The following CENPP variants were observed in gnomAD, a reference collection of about 807,000 sequenced individuals.
CENPP encodes centromere protein P.
In CENPP, 24 loss-of-function variants were observed where a neutral mutation model predicts 35.6. The observed-to-expected ratio is 0.67, with a 90% CI of 0.49 to 0.95. The LOEUF is 0.95. Among genes scored for constraint, CENPP ranks in the 40% least tolerant of loss-of-function variants. The pLI, the probability that CENPP is intolerant of heterozygous loss-of-function variation, is 0.00. For missense variants in CENPP, 332 were observed against 345.3 expected, an observed-to-expected ratio of 0.96 and a Z score of 0.31; for synonymous variants, 120 against 125.5, an observed-to-expected ratio of 0.96 and a Z score of 0.29.
chr9:92,579,122 A>T (rs1331364045), intron 5 of CENPP, among the ~76,000 whole-genome samples: 1 of 150,096 alleles, frequency 6.7e-6, no homozygotes, highest in Admixed American at 6.6e-5. Context: ...GATATGCAGC[A>T]TTATTTCTGA....
At chr9:92,558,329 G>A (rs188121984) in intron 5 of CENPP, among the ~76,000 whole-genome samples, 1 of 152,166 alleles carries the variant, frequency 6.6e-6, no homozygotes, top group Non-Finnish European at 1.5e-5. Context: ...GTCCCATGGG[G>A]TGTTCCCTTG....
At chr9:92,506,627 A>G (rs1847024215) in intron 5 of CENPP, among the ~76,000 whole-genome samples, 1 of 152,248 alleles carries the variant, frequency 6.6e-6, no homozygotes, top group East Asian at 1.9e-4. Context: ...AGACGGTTGC[A>G]TCAGGAATAG....
chr9:92,361,406 G>A (rs567337057), intron 4 of CENPP, among the ~76,000 whole-genome samples: 8 of 151,724 alleles, frequency 5.3e-5, no homozygotes, highest in Non-Finnish European at 1.0e-4. Flanking sequence ...CTCCCAAAGT[G>A]TTGGGATTAC....
intron 5 of CENPP, among the ~76,000 whole-genome samples, chr9:92,607,432 G>C (rs1851112669): frequency 6.6e-6 from 1 of 152,132 alleles, no homozygotes; most frequent in African/African-American, 2.4e-5. Flanking sequence ...AAGGGGACTA[G>C]GGGCAATAGC....
chr9:92,524,674 C>A (rs1361112813), intron 5 of CENPP, among the ~76,000 whole-genome samples: 1 of 152,194 alleles, frequency 6.6e-6, no homozygotes, highest in Non-Finnish European at 1.5e-5. Flanking sequence ...GCCTTCCTTA[C>A]ACAGCCAGTA....
chr9:92,400,695 G>A lies in CENPP; in HGVS notation c.564+20836G>A, dbSNP rs1044877220. Among the ~76,000 whole-genome samples, 20 of 152,330 alleles carry A rather than the reference G, an allele frequency of 1.3e-4. No individual in the cohort carries two copies. The South Asian group carries it at 3.5e-3, about 27-fold the overall frequency. On this transcript the variant is annotated intron_variant, in intron 5 of 7. Transcript: ENST00000375587. ...ACAAGTTTTCTATTTTAATTGAAAT[G>A]TATGTGTAATTATTGATGTATATGT...
intron 5 of CENPP, chr9:92,460,616 A>G (rs747842140): frequency 6.1e-6 from 7 of 1,146,720 alleles, no homozygotes; most frequent in East Asian, 2.4e-5. Context: ...ACTAAGCCCA[A>G]TTGACTATTT....
At chr9:92,534,456 T>C (rs1369781178) in intron 5 of CENPP, among the ~76,000 whole-genome samples, 1 of 152,214 alleles carries the variant, frequency 6.6e-6, no homozygotes, top group Non-Finnish European at 1.5e-5. Flanking sequence ...CATGCCAGCA[T>C]ACAAACCTTT....
At position 92,615,833 on chromosome 9, in the gene CENPP, T is replaced by C. The variant is rs780948436; in HGVS notation, c.*2684T>C. On this transcript the variant is annotated 3_prime_UTR_variant, in exon 8 of 8. Coordinates refer to ENST00000375587, the MANE Select transcript of CENPP (RefSeq NM_001012267.3). The stretch of plus-strand genomic sequence containing the variant: ...TTCAAAGACACTGCAGGGAAAGAGT[T>C]AGACCTTGTGGAGAACTAATGTGCA... The C allele has an allele frequency of 3.1e-6, 5 of 1,608,900 alleles. No individual in the cohort carries two copies. The highest frequency in any genetic ancestry group is 2.2e-5 in the South Asian group (2 of 90,946).
intron 5 of CENPP, among the ~76,000 whole-genome samples, chr9:92,552,411 A>T (rs555324934): frequency 6.6e-6 from 1 of 152,246 alleles, no homozygotes; most frequent in Non-Finnish European, 1.5e-5. Flanking sequence ...TTCTTTAAGG[A>T]ATCTCTACAC....
intron 5 of CENPP, among the ~76,000 whole-genome samples, chr9:92,546,847 A>G (rs896969178): frequency 5.3e-5 from 8 of 152,338 alleles, no homozygotes; most frequent in South Asian, 4.1e-4. Context: ...TAAATTGTCT[A>G]TAACTATTGA....
chr9:92,377,668 G>A (rs1274296007), intron 4 of CENPP, among the ~76,000 whole-genome samples: 3 of 152,130 alleles, frequency 2.0e-5, no homozygotes, highest in African/African-American at 7.2e-5. Context: ...TTCTGAGACA[G>A]GATGACCCCA....
intron 5 of CENPP, among the ~76,000 whole-genome samples, chr9:92,568,707 T>TA (rs1314848373): frequency 6.6e-6 from 1 of 152,220 alleles, no homozygotes; most frequent in Non-Finnish European, 1.5e-5. Flanking sequence ...ACCAACAGTG[T>TA]AAAAGTGTTC....
chr9:92,405,003 C>G (rs868356608), intron 5 of CENPP, among the ~76,000 whole-genome samples: 1 of 151,882 alleles, frequency 6.6e-6, no homozygotes, highest in Non-Finnish European at 1.5e-5. Flanking sequence ...AATATATAGC[C>G]AGTGTAATAT....
chr9:92,381,429 C>G (rs1028195668), intron 5 of CENPP, among the ~76,000 whole-genome samples: 1 of 151,712 alleles, frequency 6.6e-6, no homozygotes, highest in Non-Finnish European at 1.5e-5. Flanking sequence ...GGACTACAGG[C>G]ACACGCCACC....
Position 92,619,422 on chromosome 9 carries a change from A to C in CENPP, c.*6273A>C, listed in dbSNP as rs879036555. 4.6e-6 allele frequency: 6 copies of C among 1,304,980 alleles called. No homozygotes were observed. In the Admixed American group the frequency reaches 9.9e-5, roughly 21 times the overall value. The allele number at this position is 1,304,980 out of a possible 1,614,324, so 80.8% of individuals were successfully genotyped here. A position where few individuals can be genotyped will look rare whatever the true frequency, so the allele number is the denominator to read the frequency against. On this transcript the variant is annotated 3_prime_UTR_variant, in exon 8 of 8. Coordinates refer to ENST00000375587, the MANE Select transcript of CENPP (RefSeq NM_001012267.3). ...GGGGAAACCAACTATCCTATTAACAATTCACCAACTGTCCATAAAACCCCG... is the reference window on the plus strand; with the variant it reads ...GGGGAAACCAACTATCCTATTAACACTTCACCAACTGTCCATAAAACCCCG...
chr9:92,404,359 A>G (rs1468131893), intron 5 of CENPP: 3 of 435,966 alleles, frequency 6.9e-6, no homozygotes, highest in South Asian at 2.3e-5. Flanking sequence ...GATGATATAC[A>G]TAAGTACTTC....
intron 5 of CENPP, among the ~76,000 whole-genome samples, chr9:92,600,062 G>T (rs965191126): frequency 6.6e-6 from 1 of 152,228 alleles, no homozygotes; most frequent in Admixed American, 6.5e-5. Flanking sequence ...CAGCACAAAA[G>T]CAGCCACAGA....
intron 5 of CENPP, among the ~76,000 whole-genome samples, chr9:92,420,379 TCAATCTGC>T (rs1397926560): frequency 6.6e-6 from 1 of 152,168 alleles, no homozygotes; most frequent in Non-Finnish European, 1.5e-5. Flanking sequence ...TCTGGCTCCT[TCAATCTGC>T]CAAACTCCAA....
Sources: allele counts gnomAD v4.1 joint callset (sites outside exome capture counted in the v4.1 genomes callset), GRCh38; gene constraint gnomAD v4.1.1; transcripts MANE v1.5; gene names NCBI Gene and HGNC (gene_info 2026-07-23, HGNC 2026-07-21).